Variants in VPS13B observed in about 807,000 individuals in gnomAD.
The protein encoded by VPS13B is intermembrane lipid transfer protein VPS13B.
In VPS13B, 285 loss-of-function variants were observed where a neutral mutation model predicts 426.4. That is an observed-to-expected ratio of 0.67 (90% CI 0.61 to 0.74). The LOEUF (loss-of-function observed/expected upper bound fraction) is 0.74, where lower values mean the gene tolerates loss of function less well. VPS13B is among the 30% of genes least tolerant of loss of function. The pLI, the probability that VPS13B is intolerant of heterozygous loss-of-function variation, is 0.00. For missense variants in VPS13B, 4,537 were observed against 4,782.6 expected, an observed-to-expected ratio of 0.95 and a Z score of 1.51; for synonymous variants, 1,676 against 1,676.4, an observed-to-expected ratio of 1.00 and a Z score of 0.01.
chr8:99,485,049 A>G (rs906196074), intron 25 of VPS13B, among the ~76,000 whole-genome samples: 5 of 152,232 alleles, frequency 3.3e-5, no homozygotes, highest in Non-Finnish European at 7.3e-5. Context: ...TTGTAAAGTC[A>G]GGAACAACAC....
intron 17 of VPS13B, among the ~76,000 whole-genome samples, chr8:99,248,207 AT>A (rs1201289007): frequency 9.2e-5 from 14 of 152,170 alleles, no homozygotes; most frequent in Non-Finnish European, 5.9e-5. Flanking sequence ...TCCCTATAAC[AT>A]TGTATAGTTA....
chr8:99,564,471 G>T (rs902669979), intron 31 of VPS13B, among the ~76,000 whole-genome samples: 1 of 152,156 alleles, frequency 6.6e-6, no homozygotes, highest in Non-Finnish European at 1.5e-5. Context: ...TTAATGGGAG[G>T]CTGTGGCCTC....
At chr8:99,113,882 C>A (rs199740685) in intron 6 of VPS13B, among the ~76,000 whole-genome samples, 2 of 151,978 alleles carry the variant, frequency 1.3e-5, no homozygotes, top group East Asian at 1.9e-4. Flanking sequence ...CTTTTCAAAT[C>A]TTTCATGTAT....
Position 99,105,698 on chromosome 8 carries a change from A to C in VPS13B, c.580+2578A>C, listed in dbSNP as rs1230998864. ...CCACCCAGAAATTTAATTTTAGTAT[A>C]GAAGCAATTTAGTATGGTATAGAAA... On this transcript the variant is annotated intron_variant, in intron 5 of 61. Coordinates refer to ENST00000357162, the MANE Select transcript of VPS13B (RefSeq NM_152564.5). Among the ~76,000 whole-genome samples the C allele has an allele frequency of 6.6e-5, 10 of 152,228 alleles. No homozygotes were observed. The East Asian group carries it at 1.7e-3, about 26-fold the overall frequency.
At chr8:99,042,056 C>T (rs1273045767) in intron 3 of VPS13B, among the ~76,000 whole-genome samples, 1 of 151,756 alleles carries the variant, frequency 6.6e-6, no homozygotes, top group Non-Finnish European at 1.5e-5. Flanking sequence ...AGGAGAATTG[C>T]TTGAACCCAG....
At chr8:99,117,495 A>T (rs917994921) in intron 7 of VPS13B, among the ~76,000 whole-genome samples, 1 of 152,172 alleles carries the variant, frequency 6.6e-6, no homozygotes, top group Non-Finnish European at 1.5e-5. Context: ...TATATATGAA[A>T]TGTTCATGGT....
Position 99,274,198 on chromosome 8 carries a change from G to C in VPS13B, c.2516G>C (p.Gly839Ala). ...ALINEIFLSI[G>A]VKSKNPLPTL... ...TACATTTGCAGTTTTCTTTTATTAG[G>C]TGTGAAATCTAAGAATCCCCTGCCA... The change falls in exon 18 of 62, where the codon GGT (glycine) becomes GCT (alanine). Residue 839 changes from glycine (G) to alanine (A), a missense_variant and splice_region_variant. This residue lies in a region of VPS13B where 4,311 missense variants were observed against 4,474.3 expected (regional missense o/e 0.96). Coordinates refer to ENST00000357162, the MANE Select transcript of VPS13B (RefSeq NM_152564.5). 1 of 1,613,992 alleles carries C rather than the reference G, an allele frequency of 6.2e-7. No homozygotes were observed. The highest frequency in any genetic ancestry group is 8.5e-7 in the Non-Finnish European group (1 of 1,179,964).
At chr8:99,032,363 A>T (rs563126728) in intron 2 of VPS13B, among the ~76,000 whole-genome samples, 58 of 151,998 alleles carry the variant, frequency 3.8e-4, no homozygotes, top group Non-Finnish European at 2.9e-4. Context: ...TATTCATATG[A>T]TTGGATTTAC....
chr8:99,087,154 G>A (rs1448810283), intron 3 of VPS13B, among the ~76,000 whole-genome samples: 1 of 152,162 alleles, frequency 6.6e-6, no homozygotes, highest in African/African-American at 2.4e-5. Context: ...CCTCAGCAAT[G>A]GCGGGCGCCC....
chr8:99,308,925 T>C (rs1450878710), intron 19 of VPS13B, among the ~76,000 whole-genome samples: 1 of 152,226 alleles, frequency 6.6e-6, no homozygotes, highest in Non-Finnish European at 1.5e-5. Flanking sequence ...ATTTCTCTGA[T>C]GGCCAGTGAT....
intron 39 of VPS13B, among the ~76,000 whole-genome samples, chr8:99,763,557 G>A (rs543937047): frequency 6.6e-6 from 1 of 152,300 alleles, no homozygotes; most frequent in East Asian, 1.9e-4. Flanking sequence ...TTTGTGTTCA[G>A]AAAAGAGAAA....
intron 44 of VPS13B, among the ~76,000 whole-genome samples, chr8:99,812,198 C>G (rs1407268951): frequency 6.6e-6 from 1 of 152,166 alleles, no homozygotes; most frequent in Non-Finnish European, 1.5e-5. Context: ...CACACACCCA[C>G]AAGCAAAAAT....
chr8:99,303,730 C>CAAAAAAAAAAAAAAA lies in VPS13B; in HGVS notation c.2824+28483_2824+28497dup, dbSNP rs58708195. ...GGTGAGACAGAGTGAGACTCCGTCT[C>CAAAAAAAAAAAAAAA]AAAAAAAAAAAAAAAAAAAAAGAAT... On this transcript the variant is annotated intron_variant, in intron 19 of 61. Transcript: ENST00000357162. Among the ~76,000 whole-genome samples the CAAAAAAAAAAAAAAA allele has an allele frequency of 4.7e-5, 3 of 63,714 alleles. 1 individual carries two copies. The highest frequency in any genetic ancestry group is 2.1e-4 in the African/African-American group (3 of 14,138). The allele number at this position is 63,714 out of a possible 152,430, so 41.8% of individuals were successfully genotyped here.
chr8:99,143,794 G>C (rs930552120), intron 13 of VPS13B, among the ~76,000 whole-genome samples: 1 of 152,082 alleles, frequency 6.6e-6, no homozygotes, highest in Non-Finnish European at 1.5e-5. Flanking sequence ...TCATTTCTCT[G>C]TCTCTACAAT....
At chr8:99,558,773 G>T (rs1441632477) in intron 31 of VPS13B, among the ~76,000 whole-genome samples, 4 of 152,018 alleles carry the variant, frequency 2.6e-5, no homozygotes, top group Non-Finnish European at 5.9e-5. Flanking sequence ...TATTCCGTGG[G>T]GTATATGTGC....
chr8:99,386,442 A>G (rs3103698), intron 20 of VPS13B, among the ~76,000 whole-genome samples: 26,487 of 152,150 alleles, frequency 0.17, 2,831 homozygotes, highest in East Asian at 0.38. Context: ...CATCTGGGCT[A>G]TAATCCATCT....
intron 57 of VPS13B, among the ~76,000 whole-genome samples, 195 bp from the exon 58 acceptor site, chr8:99,861,581 C>A (rs373152737): frequency 6.6e-6 from 1 of 152,330 alleles, no homozygotes; most frequent in South Asian, 2.1e-4. Flanking sequence ...GGATTACAGG[C>A]GTGAGCCACC....
chr8:99,475,775 C>T (rs1327323557), intron 24 of VPS13B, among the ~76,000 whole-genome samples: 2 of 152,164 alleles, frequency 1.3e-5, no homozygotes, highest in Admixed American at 6.5e-5. Flanking sequence ...ATCTGGCTTC[C>T]AGAGTCACCT....
intron 33 of VPS13B, among the ~76,000 whole-genome samples, chr8:99,628,625 A>G (rs1221344319): frequency 6.6e-6 from 1 of 152,222 alleles, no homozygotes; most frequent in Non-Finnish European, 1.5e-5. Context: ...CAACCACAAC[A>G]ACAAAAACTT....
Sources: allele counts gnomAD v4.1 joint callset (sites outside exome capture counted in the v4.1 genomes callset), GRCh38; gene constraint gnomAD v4.1.1; regional missense constraint gnomAD v4.1.1; transcripts MANE v1.5; gene names NCBI Gene and HGNC (gene_info 2026-07-23, HGNC 2026-07-21).